The following SFMBT2 variants were observed in gnomAD, a reference collection of about 807,000 sequenced individuals.
SFMBT2 encodes scm-like with four MBT domains protein 2.
A neutral mutation model predicts 110.1 loss-of-function variants in SFMBT2; 38 were observed. The ratio of observed to expected loss-of-function variants is 0.35; its 90% CI spans 0.27 to 0.45. The LOEUF (loss-of-function observed/expected upper bound fraction) is 0.45. Among genes scored for constraint, SFMBT2 ranks in the 20% least tolerant of loss-of-function variants. The pLI is 1.00. For missense variants in SFMBT2, 1,011 were observed against 1,094.9 expected (o/e 0.92, Z 1.08); for synonymous variants, 425 against 425.4 (o/e 1.00, Z 0.01).
chr10:7,167,710 T>C (rs995458012), intron 20 of SFMBT2, among the ~76,000 whole-genome samples: 6 of 152,206 alleles, frequency 3.9e-5, no homozygotes, highest in Non-Finnish European at 5.9e-5. Flanking sequence ...CAAGTGCCCA[T>C]GTACTTCAGA....
intron 6 of SFMBT2, 141 bp from the exon 7 acceptor site, chr10:7,277,130 T>C (rs2131825596): frequency 5.2e-6 from 3 of 578,074 alleles, no homozygotes; most frequent in South Asian, 4.5e-5. Context: ...ATACCCACCA[T>C]GAGCAGCCAC....
intron 4 of SFMBT2, among the ~76,000 whole-genome samples, chr10:7,307,561 A>G (rs909107949): frequency 6.6e-6 from 1 of 152,256 alleles, no homozygotes; most frequent in Non-Finnish European, 1.5e-5. Context: ...CTGGCTCCAT[A>G]CATCAGTAGG....
At chr10:7,348,095 T>C (rs758258075) in intron 4 of SFMBT2, 86 of 425,664 alleles carry the variant, frequency 2.0e-4, no homozygotes, top group Non-Finnish European at 3.1e-4. Flanking sequence ...TAAATCATCA[T>C]CATCCCTTCA....
chr10:7,360,562 A>AG (rs1345356894), intron 4 of SFMBT2, among the ~76,000 whole-genome samples: 118 of 152,334 alleles, frequency 7.7e-4, no homozygotes, highest in African/African-American at 2.7e-3. Flanking sequence ...GGAAAAAAAA[A>AG]CTATTCATTT....
At position 7,233,132 on chromosome 10, in the gene SFMBT2, T is replaced by C. The variant is rs112782712; in HGVS notation, c.1121-5195A>G. Among the ~76,000 whole-genome samples, 1,094 of 152,204 alleles carry C rather than the reference T, an allele frequency of 7.2e-3. 15 individuals are homozygous for C. The highest frequency in any genetic ancestry group is 0.024 in the African/African-American group (1,000 of 41,522). On this transcript the variant is annotated intron_variant, in intron 9 of 20. Coordinates refer to ENST00000397167, the MANE Select transcript of SFMBT2 (RefSeq NM_001387889.1). ...ATACAATCTTAATAAAAAATAAAAA[T>C]AGCAAAGGAATACCATGTTTGCTAT...
chr10:7,300,235 T>G (rs1168784137), intron 4 of SFMBT2, among the ~76,000 whole-genome samples: 1 of 150,210 alleles, frequency 6.7e-6, no homozygotes, highest in Non-Finnish European at 1.5e-5. Context: ...CAAACCACCA[T>G]GGCACACATA....
At chr10:7,213,512 G>A (rs1839425174) in intron 11 of SFMBT2, among the ~76,000 whole-genome samples, 1 of 152,202 alleles carries the variant, frequency 6.6e-6, no homozygotes, top group African/African-American at 2.4e-5. Flanking sequence ...TTCTAACTTT[G>A]AGGATGCCGT....
At chr10:7,411,065 CTTTTTTTTTTTTT>C (rs766788794), upstream of SFMBT2, among the ~76,000 whole-genome samples, 4 of 53,914 alleles carry the variant, frequency 7.4e-5, no homozygotes, top group South Asian at 1.0e-3. Context: ...GCTCGGCGCT[CTTTTTTTTTTTTT>C]TTTTTTTTTT....
intron 4 of SFMBT2, among the ~76,000 whole-genome samples, chr10:7,292,809 G>A (rs535671626): frequency 6.6e-6 from 1 of 152,166 alleles, no homozygotes; most frequent in East Asian, 1.9e-4. Flanking sequence ...CTAAGGCCAG[G>A]AGTTCAAGAC....
chr10:7,385,790 G>C (rs1380022243), intron 1 of SFMBT2, among the ~76,000 whole-genome samples: 3 of 152,070 alleles, frequency 2.0e-5, no homozygotes, highest in East Asian at 3.9e-4. Context: ...ACGAGGTCAG[G>C]AGATCAAGAC....
At chr10:7,315,719 T>C (rs568821018) in intron 4 of SFMBT2, among the ~76,000 whole-genome samples, 5 of 152,338 alleles carry the variant, frequency 3.3e-5, no homozygotes, top group Non-Finnish European at 7.3e-5. Context: ...AATTTCAATC[T>C]GCTACTAACC....
chr10:7,276,293 C>G (rs1435780188), intron 7 of SFMBT2, among the ~76,000 whole-genome samples: 1 of 152,146 alleles, frequency 6.6e-6, no homozygotes, highest in African/African-American at 2.4e-5. Context: ...CAAAATTAGA[C>G]TTGCTATATT....
At position 7,238,012 on chromosome 10, in the gene SFMBT2, C is replaced by T. The variant is rs76440753; in HGVS notation, c.1120+5546G>A. ...GACTGAGTGGGGAGTCGGGAGATGA[C>T]GCTGGACAGGGCAGTGGAAGTCAGC... is the stretch of plus-strand genomic sequence containing the variant. On this transcript the variant is annotated intron_variant, in intron 9 of 20. Transcript: ENST00000397167. Among the ~76,000 whole-genome samples the T allele has an allele frequency of 1.7e-3, 263 of 152,228 alleles. 4 individuals are homozygous for T. The East Asian group carries it at 0.03, about 17-fold the overall frequency.
At position 7,202,381 on chromosome 10, in the gene SFMBT2, T is replaced by C. The variant is rs1838982664; in HGVS notation, c.1487+99A>G. On this transcript the variant is annotated intron_variant, in intron 13 of 20. Coordinates refer to ENST00000397167, the MANE Select transcript of SFMBT2 (RefSeq NM_001387889.1). ...CTACCTCTACTAGGGTGCTATTTGT[T>C]AGATAACTCCAATAAAAACAGCCAT... The C allele has an allele frequency of 1.2e-5, 18 of 1,459,044 alleles. 1 individual carries two copies. The Middle Eastern group carries it at 2.1e-3, about 169-fold the overall frequency. The allele number at this position is 1,459,044 out of a possible 1,614,324, so 90.4% of individuals were successfully genotyped here.
rs1388085990 is a variant in SFMBT2, at chr10:7,334,103, TCTCAGGACACGACAA to T, written c.436+33531_436+33545del. 2.0e-5 allele frequency among the ~76,000 whole-genome samples: 3 copies of T among 152,248 alleles called. No homozygotes were observed. The East Asian group carries it at 5.8e-4, about 29-fold the overall frequency. ...CCTGCCTCCGACAACAGGGAGTTCA[TCTCAGGACACGACAA>T]CTCATTGCTGACGATGGGAGCAACA... On this transcript the variant is annotated intron_variant, in intron 4 of 20. Transcript: ENST00000397167.
At position 7,367,090 on chromosome 10, in the gene SFMBT2, C is replaced by G. The variant is rs953860153; in HGVS notation, c.436+559G>C. 1.4e-4 allele frequency among the ~76,000 whole-genome samples: 21 copies of G among 149,318 alleles called. No homozygotes were observed. Among genetic ancestry groups the G allele is most frequent in the African/African-American group, 4.4e-4 (18 of 40,532 alleles). ...TTTCTTTTTTTTTTTTTAATTATAC[C>G]TTAAGTTTTAGGGCACAAGTGCTGT... On this transcript the variant is annotated intron_variant, in intron 4 of 20. Transcript: ENST00000397167. This position sits in a 1 kb window ranked among gnomAD's most constrained non-coding sequence, Gnocchi z 6.2.
chr10:7,357,893 T>C (rs1454301934), intron 4 of SFMBT2, among the ~76,000 whole-genome samples: 3 of 152,032 alleles, frequency 2.0e-5, no homozygotes, highest in Non-Finnish European at 4.4e-5. Context: ...GGCTCTGGAA[T>C]GTTGGCACAG....
chr10:7,333,193 T>C (rs1254977026), intron 4 of SFMBT2, among the ~76,000 whole-genome samples: 1 of 152,222 alleles, frequency 6.6e-6, no homozygotes, highest in African/African-American at 2.4e-5. Flanking sequence ...GATCATACTT[T>C]AGCTTCATGA....
intron 20 of SFMBT2, among the ~76,000 whole-genome samples, chr10:7,168,306 C>T (rs1837758885): frequency 6.6e-6 from 1 of 152,264 alleles, no homozygotes; most frequent in Non-Finnish European, 1.5e-5. Context: ...GAGCTATTGA[C>T]GTTTCAAGGT....
Sources: gnomAD v4.1 joint callset for allele counts (sites outside exome capture counted in the v4.1 genomes callset) on GRCh38, gnomAD v4.1.1 for gene constraint, Gnocchi (gnomAD v3.1) non-coding constraint, MANE v1.5 for transcripts, NCBI Gene and HGNC (gene_info 2026-07-23, HGNC 2026-07-21) for gene names.